Variants in SDK2 observed in about 807,000 individuals in gnomAD.
The protein encoded by SDK2 is sidekick cell adhesion molecule 2, also known as protein sidekick-2.
A neutral mutation model predicts 253.9 loss-of-function variants in SDK2; 105 were observed. That is an observed-to-expected ratio of 0.41 (90% confidence interval 0.35 to 0.49). The LOEUF (loss-of-function observed/expected upper bound fraction) is 0.49, where lower values mean the gene tolerates loss of function less well. Ranked by LOEUF, SDK2 falls within the 20% of genes least tolerant of loss-of-function variation. The pLI is 0.06. For synonymous variants in SDK2, 1,249 were observed against 1,234.9 expected (o/e 1.01, Z -0.24); for missense variants, 2,608 against 3,003.0 (o/e 0.87, Z 3.07).
intron 4 of SDK2, among the ~76,000 whole-genome samples, chr17:73,450,015 G>A (rs1599577664): frequency 6.6e-6 from 1 of 152,294 alleles, no homozygotes; most frequent in East Asian, 1.9e-4. Context: ...TAGGAGGTGG[G>A]GCCAGAGCCA....
Position 73,401,972 on chromosome 17 carries a change from G to A in SDK2, c.2654C>T (p.Pro885Leu), listed in dbSNP as rs749556489. Residue 885 changes from proline (P) to leucine (L), a missense_variant, in exon 19 of 45, where the codon CCG becomes CTG. Pro to Leu is a moderately conservative substitution (Grantham distance 98). This residue lies in a region of SDK2 where 1,505 missense variants were observed against 1,859.1 expected (regional missense o/e 0.81). Coordinates refer to ENST00000392650, the MANE Select transcript of SDK2 (RefSeq NM_001144952.2). ...ATCCTCATGGGTGCGCACCAGCTGC[G>A]GGGTGCTGCGTGGCCCGTCCCCGGG... Reference protein sequence around the residue: ...TTPGDGPRSTPQLVRTHEDVP... With the variant: ...TTPGDGPRSTLQLVRTHEDVP... The A allele has an allele frequency of 6.2e-7, 1 of 1,612,092 alleles. No homozygotes were observed. Among genetic ancestry groups the A allele is most frequent in the Middle Eastern group, 1.7e-4 (1 of 6,052 alleles).
intron 3 of SDK2, among the ~76,000 whole-genome samples, chr17:73,458,904 T>C (rs1403895605): frequency 6.6e-6 from 1 of 152,156 alleles, no homozygotes; most frequent in Non-Finnish European, 1.5e-5. Context: ...CTCGGGAGGC[T>C]GAGGTAGGAG....
At chr17:73,590,828 T>C (rs2045671205) in intron 1 of SDK2, among the ~76,000 whole-genome samples, 1 of 152,232 alleles carries the variant, frequency 6.6e-6, no homozygotes, top group Non-Finnish European at 1.5e-5. Flanking sequence ...TCCAAATGGT[T>C]GCTGTTTTCC....
intron 44 of SDK2, among the ~76,000 whole-genome samples, chr17:73,346,812 G>T (rs1218614411): frequency 6.6e-6 from 1 of 152,164 alleles, no homozygotes; most frequent in Non-Finnish European, 1.5e-5. Context: ...TGGGGGAAGG[G>T]GTGTCCTTGA....
chr17:73,456,437 G>A (rs115112616), intron 3 of SDK2, among the ~76,000 whole-genome samples: 2,396 of 152,268 alleles, frequency 0.016, 61 homozygotes, highest in African/African-American at 0.052. Flanking sequence ...AAACCCTGGA[G>A]TCAGGCTATG....
intron 1 of SDK2, among the ~76,000 whole-genome samples, chr17:73,626,393 A>G (rs1156817567): frequency 6.6e-6 from 1 of 152,214 alleles, no homozygotes; most frequent in Non-Finnish European, 1.5e-5. Context: ...GGGCAAATGC[A>G]CGGCGCCCAG....
At chr17:73,468,975 C>A (rs969349689) in intron 3 of SDK2, among the ~76,000 whole-genome samples, 4 of 151,674 alleles carry the variant, frequency 2.6e-5, no homozygotes, top group African/African-American at 7.3e-5. Context: ...AAGGTGCATG[C>A]CACCATGCCC....
chr17:73,466,125 T>C (rs1293603171), intron 3 of SDK2, among the ~76,000 whole-genome samples: 2 of 152,088 alleles, frequency 1.3e-5, no homozygotes, highest in Admixed American at 6.5e-5. Flanking sequence ...AGCACCTCCT[T>C]AAATTGGGCA....
intron 2 of SDK2, among the ~76,000 whole-genome samples, chr17:73,499,533 C>T (rs1202787259): frequency 6.6e-6 from 1 of 152,246 alleles, no homozygotes; most frequent in Non-Finnish European, 1.5e-5. Flanking sequence ...ACGCTTGCCT[C>T]TCGGAAGGGG....
intron 44 of SDK2, among the ~76,000 whole-genome samples, chr17:73,344,742 G>A (rs180804897): frequency 1.3e-5 from 2 of 152,290 alleles, no homozygotes; most frequent in Admixed American, 6.5e-5. Flanking sequence ...GGCTATCAAC[G>A]AGGTCTCAGC....
chr17:73,624,641 T>C (rs562034155), intron 1 of SDK2, among the ~76,000 whole-genome samples: 2 of 152,376 alleles, frequency 1.3e-5, no homozygotes, highest in African/African-American at 2.4e-5. Context: ...ATGCAGATTC[T>C]GATTCATCAG....
intron 1 of SDK2, among the ~76,000 whole-genome samples, chr17:73,509,213 T>G (rs1237365195): frequency 6.6e-6 from 1 of 152,182 alleles, no homozygotes; most frequent in African/African-American, 2.4e-5. Flanking sequence ...AGTCTCTATT[T>G]CTCTATCAGT....
At chr17:73,584,751 G>A (rs928466037) in intron 1 of SDK2, among the ~76,000 whole-genome samples, 5 of 152,190 alleles carry the variant, frequency 3.3e-5, no homozygotes, top group East Asian at 1.9e-4. Flanking sequence ...GTCAGGCTCC[G>A]CATCTTAATG....
At chr17:73,425,401 CG>C (rs2145594784) in intron 12 of SDK2, among the ~76,000 whole-genome samples, 1 of 152,374 alleles carries the variant, frequency 6.6e-6, no homozygotes, top group Non-Finnish European at 1.5e-5. Flanking sequence ...CTTCCCCGCC[CG>C]GATAGGCAGT....
chr17:73,341,847 C>A (rs1324826740), intron 44 of SDK2, among the ~76,000 whole-genome samples: 1 of 152,204 alleles, frequency 6.6e-6, no homozygotes, highest in African/African-American at 2.4e-5. Context: ...CGCTGACATG[C>A]ATAACTGTAT....
intron 2 of SDK2, among the ~76,000 whole-genome samples, chr17:73,476,930 C>T (rs977935429): frequency 3.9e-5 from 6 of 152,198 alleles, no homozygotes; most frequent in African/African-American, 1.2e-4. Context: ...ACCTCTCTCC[C>T]GCTCCTCCGC....
At chr17:73,430,134 G>A (rs1326039460) in intron 12 of SDK2, among the ~76,000 whole-genome samples, 1 of 152,204 alleles carries the variant, frequency 6.6e-6, no homozygotes, top group Non-Finnish European at 1.5e-5. Context: ...CTTGGGGTGG[G>A]CTGGGGGACA....
rs1749422497 is a variant in SDK2, at chr17:73,447,484, T to C, written c.613+131A>G. 3 of 1,322,056 alleles carry C rather than the reference T, an allele frequency of 2.3e-6. No homozygotes were observed. Among genetic ancestry groups the C allele is most frequent in the Admixed American group, 2.1e-5 (1 of 47,026 alleles). 81.9% of individuals were successfully genotyped at this position (1,322,056 alleles called of 1,614,324 possible). A position where few individuals can be genotyped will look rare whatever the true frequency, so the allele number is the denominator to read the frequency against. The stretch of plus-strand genomic sequence containing the variant: ...TGTGTCTCGTCCTCCTTGGGAAGGC[T>C]CCCCCCGGCCGTCCCCTAGCTTCCC... On this transcript the variant is annotated intron_variant, in intron 5 of 44. Coordinates refer to ENST00000392650, the MANE Select transcript of SDK2 (RefSeq NM_001144952.2). This position sits in a 1 kb window ranked among gnomAD's most constrained non-coding sequence, Gnocchi z 4.0.
intron 16 of SDK2, among the ~76,000 whole-genome samples, chr17:73,418,930 T>C (rs1456258785): frequency 1.1e-4 from 16 of 152,126 alleles, no homozygotes; most frequent in Admixed American, 1.0e-3. Flanking sequence ...TGTCAGCCCA[T>C]ATAGCCTCCC....
Sources: gnomAD v4.1 joint callset for allele counts (sites outside exome capture counted in the v4.1 genomes callset) on GRCh38, gnomAD v4.1.1 for gene constraint, gnomAD v4.1.1 regional missense constraint, Gnocchi (gnomAD v3.1) non-coding constraint, MANE v1.5 for transcripts, NCBI Gene and HGNC (gene_info 2026-07-23, HGNC 2026-07-21) for gene names.